The following PCDHA1 variants were observed in gnomAD, a reference collection of about 807,000 sequenced individuals.
The protein encoded by PCDHA1 is protocadherin alpha 1, also known as protocadherin alpha-1.
PCDHA1 carries 42 observed loss-of-function variants against 61.3 expected under a neutral mutation model. The observed-to-expected ratio is 0.69, with a 90% CI of 0.54 to 0.89. The LOEUF (loss-of-function observed/expected upper bound fraction) is 0.89, where lower values mean the gene tolerates loss of function less well. PCDHA1 is among the 40% of genes least tolerant of loss of function. The probability of loss-of-function intolerance (pLI) is 0.00; values close to 1 mark genes in which losing one functional copy is unlikely to be tolerated. For missense variants in PCDHA1, 1,256 were observed against 1,235.3 expected (o/e 1.02, Z -0.25); for synonymous variants, 610 against 553.8 (o/e 1.10, Z -1.43).
At chr5:140,809,618 C>T in intron 1 of PCDHA1, 1 of 1,511,826 alleles carries the variant, frequency 6.6e-7, no homozygotes, top group Non-Finnish European at 8.9e-7. Context: ...TTGTTTTTCT[C>T]TATCAACTTC....
chr5:140,985,739 C>CTTTT (rs11372071), intron 3 of PCDHA1, among the ~76,000 whole-genome samples: 9 of 117,918 alleles, frequency 7.6e-5, no homozygotes, highest in East Asian at 2.5e-4. Flanking sequence ...TGATGAATTC[C>CTTTT]TTTTTTTTTT....
chr5:140,850,415 G>T, intron 1 of PCDHA1: 1 of 1,597,962 alleles, frequency 6.3e-7, no homozygotes, highest in Non-Finnish European at 8.6e-7. Context: ...TGGACGAAAC[G>T]GACGCACCGC....
At chr5:140,795,993 C>T (rs1554119647) in intron 1 of PCDHA1, 3 of 1,614,148 alleles carry the variant, frequency 1.9e-6, no homozygotes, top group Non-Finnish European at 2.5e-6. Flanking sequence ...TTGTGGACAT[C>T]AATGATAACA....
chr5:140,870,917 G>A, intron 1 of PCDHA1: 1 of 1,613,936 alleles, frequency 6.2e-7, no homozygotes, highest in Non-Finnish European at 8.5e-7. Flanking sequence ...TACAACGCGT[G>A]GCTTTCATAT....
At chr5:140,863,013 C>A (rs1274171221) in intron 1 of PCDHA1, 1 of 552,838 alleles carries the variant, frequency 1.8e-6, no homozygotes, top group Admixed American at 1.9e-5. Flanking sequence ...AGCTATGACG[C>A]CTGGTTGTCG....
At chr5:140,795,584 A>G (rs1554119499) in intron 1 of PCDHA1, 2 of 1,614,178 alleles carry the variant, frequency 1.2e-6, no homozygotes, top group Non-Finnish European at 1.7e-6. Context: ...GAAACTGCTG[A>G]GGTTAATTTG....
chr5:140,803,574 G>A (rs1306203317), intron 1 of PCDHA1: 4 of 1,614,106 alleles, frequency 2.5e-6, no homozygotes, highest in African/African-American at 2.7e-5. Flanking sequence ...GGATGTGGAC[G>A]TTGATCTCTC....
intron 1 of PCDHA1, among the ~76,000 whole-genome samples, chr5:140,909,596 T>C (rs2074597089): frequency 6.6e-6 from 1 of 152,222 alleles, no homozygotes; most frequent in South Asian, 2.1e-4. Context: ...TGATTTACTA[T>C]TTTTCTAGGT....
At chr5:140,853,891 G>T in intron 1 of PCDHA1, 1 of 976,002 alleles carries the variant, frequency 1.0e-6, no homozygotes. Flanking sequence ...AATTTAAAAA[G>T]ATGTGGTGGC....
chr5:140,875,910 G>A, intron 1 of PCDHA1: 1 of 1,614,172 alleles, frequency 6.2e-7, no homozygotes, highest in South Asian at 1.1e-5. Context: ...CTGAATCTGC[G>A]CCTCTGGACT....
chr5:140,805,029 A>C, intron 1 of PCDHA1: 1 of 1,581,346 alleles, frequency 6.3e-7, no homozygotes, highest in Non-Finnish European at 8.5e-7. Flanking sequence ...CTTGAATATA[A>C]TAGAGTCAGC....
At chr5:140,808,339 G>A (rs781810593) in intron 1 of PCDHA1, 15 of 1,614,246 alleles carry the variant, frequency 9.3e-6, no homozygotes, top group Non-Finnish European at 1.2e-5. Flanking sequence ...TCAATGGGCT[G>A]GTCACCTGCT....
intron 1 of PCDHA1, chr5:140,967,260 C>G: frequency 6.2e-7 from 1 of 1,613,500 alleles, no homozygotes; most frequent in Non-Finnish European, 8.5e-7. Flanking sequence ...GCGCCTGGAG[C>G]GCGCTTTCAC....
rs782301588 is a variant in PCDHA1 at position 140,802,482 on chromosome 5, G to A, written c.2394+13798G>A. ...CTATGAGCTGGTGGTGACTGCTCGGGACGGGGGCTCGCCTTCACTGTGGGC... is the reference window on the plus strand; with the variant it reads ...CTATGAGCTGGTGGTGACTGCTCGGAACGGGGGCTCGCCTTCACTGTGGGC... On this transcript the variant is annotated intron_variant, in intron 1 of 3. Coordinates refer to ENST00000504120, the MANE Select transcript of PCDHA1 (RefSeq NM_018900.4). The A allele has an allele frequency of 6.2e-7, 1 of 1,614,192 alleles. No homozygotes were observed. The highest frequency in any genetic ancestry group is 8.5e-7 in the Non-Finnish European group (1 of 1,180,028).
At chr5:140,823,380 C>A (rs2150125210) in intron 1 of PCDHA1, 14 of 1,612,688 alleles carry the variant, frequency 8.7e-6, no homozygotes, top group South Asian at 5.5e-5. Context: ...TCCAGGTGAG[C>A]GCGCGCGACG....
At chr5:140,984,730 T>C (rs956611464) in intron 3 of PCDHA1, among the ~76,000 whole-genome samples, 4 of 152,186 alleles carry the variant, frequency 2.6e-5, no homozygotes, top group Non-Finnish European at 4.4e-5. Context: ...ATTAAGATTA[T>C]GATTTAGAGT....
At chr5:140,882,228 T>G in intron 1 of PCDHA1, 1 of 1,564,682 alleles carries the variant, frequency 6.4e-7, no homozygotes, top group Non-Finnish European at 8.7e-7. Context: ...GGTAAGGCGT[T>G]GTATATATTG....
intron 1 of PCDHA1, chr5:140,800,901 C>A: frequency 9.2e-6 from 4 of 434,234 alleles, no homozygotes; most frequent in Non-Finnish European, 7.2e-6. Flanking sequence ...GAGGAGTGAC[C>A]GAAGGATATT....
At chr5:140,838,382 C>T (rs189980882) in intron 1 of PCDHA1, among the ~76,000 whole-genome samples, 2 of 151,494 alleles carry the variant, frequency 1.3e-5, no homozygotes, top group East Asian at 3.9e-4. Flanking sequence ...CCTCAGCCTC[C>T]CAATGTGCTG....
Sources: gnomAD v4.1 joint callset for allele counts (sites outside exome capture counted in the v4.1 genomes callset) on GRCh38, gnomAD v4.1.1 for gene constraint, MANE v1.5 for transcripts, NCBI Gene and HGNC (gene_info 2026-07-23, HGNC 2026-07-21) for gene names.